DNAJC1: variants seen among roughly 807,000 people sequenced by gnomAD.
The protein encoded by DNAJC1 is dnaJ homolog subfamily C member 1.
A neutral mutation model predicts 76.6 loss-of-function variants in DNAJC1; 58 were observed. That is an observed-to-expected ratio of 0.76 (90% CI 0.61 to 0.94). The LOEUF (loss-of-function observed/expected upper bound fraction) is 0.94, where lower values mean the gene tolerates loss of function less well. Ranked by LOEUF, DNAJC1 falls within the 40% of genes least tolerant of loss-of-function variation. The pLI, the probability that DNAJC1 is intolerant of heterozygous loss-of-function variation, is 0.00. For synonymous variants in DNAJC1, 258 were observed against 267.9 expected (o/e 0.96, Z 0.36); for missense variants, 689 against 677.3 (o/e 1.02, Z -0.19).
At chr10:21,909,614 C>G (rs1279913858) in intron 6 of DNAJC1, among the ~76,000 whole-genome samples, 1 of 152,198 alleles carries the variant, frequency 6.6e-6, no homozygotes, top group Non-Finnish European at 1.5e-5. Context: ...GTGGTGCTCA[C>G]TCAACATTCT....
At chr10:21,858,685 T>C (rs1037597458) in intron 8 of DNAJC1, among the ~76,000 whole-genome samples, 3 of 152,172 alleles carry the variant, frequency 2.0e-5, no homozygotes, top group South Asian at 4.1e-4. Context: ...ATTTAATTCA[T>C]TGCAGCCCTA....
rs543146093 is a variant in DNAJC1, at chr10:21,956,335, T to G, written c.223-27194A>C. On this transcript the variant is annotated intron_variant, in intron 1 of 11. Coordinates refer to ENST00000376980, the MANE Select transcript of DNAJC1 (RefSeq NM_022365.4). Reference sequence around the variant, plus strand: ...TTTAAAAGTCTCACCTCAACACTGTTGCATTAGGGATTAAGTTTCCAACAC... The same window carrying G: ...TTTAAAAGTCTCACCTCAACACTGTGGCATTAGGGATTAAGTTTCCAACAC... Among the ~76,000 whole-genome samples, 337 of 152,258 alleles carry G rather than the reference T, an allele frequency of 2.2e-3. 3 individuals carry two copies. The highest frequency in any genetic ancestry group is 7.7e-3 in the African/African-American group (321 of 41,546).
chr10:21,832,764 T>C (rs1473556057), intron 8 of DNAJC1, among the ~76,000 whole-genome samples: 1 of 152,212 alleles, frequency 6.6e-6, no homozygotes, highest in Non-Finnish European at 1.5e-5. Context: ...ACTTTTGCAG[T>C]GAAATATTTC....
At chr10:21,844,804 G>A (rs1835628624) in intron 8 of DNAJC1, among the ~76,000 whole-genome samples, 1 of 152,182 alleles carries the variant, frequency 6.6e-6, no homozygotes, top group African/African-American at 2.4e-5. Flanking sequence ...GGAGGCCAAG[G>A]TGGGAGGATC....
intron 7 of DNAJC1, among the ~76,000 whole-genome samples, chr10:21,884,190 T>C (rs1357686561): frequency 6.6e-6 from 1 of 152,090 alleles, no homozygotes; most frequent in African/African-American, 2.4e-5. Flanking sequence ...ATTCAGAGTA[T>C]AAACAGAAGA....
intron 1 of DNAJC1, among the ~76,000 whole-genome samples, chr10:21,948,775 C>T (rs1014733595): frequency 5.3e-5 from 8 of 152,038 alleles, no homozygotes; most frequent in Admixed American, 4.6e-4. Context: ...CTACAGATAA[C>T]GGGAGACTAC....
At chr10:21,956,504 T>C (rs1837685432) in intron 1 of DNAJC1, among the ~76,000 whole-genome samples, 1 of 151,848 alleles carries the variant, frequency 6.6e-6, no homozygotes, top group Non-Finnish European at 1.5e-5. Context: ...TCAAGAGTGC[T>C]GCTTATATAT....
chr10:21,888,827 C>T (rs957952047), intron 7 of DNAJC1, among the ~76,000 whole-genome samples: 2 of 152,028 alleles, frequency 1.3e-5, no homozygotes, highest in Non-Finnish European at 2.9e-5. Context: ...CTATTGGGTA[C>T]TGGACTTAAT....
chr10:21,945,686 G>A (rs1401033539), intron 1 of DNAJC1, among the ~76,000 whole-genome samples: 2 of 152,168 alleles, frequency 1.3e-5, no homozygotes, highest in Non-Finnish European at 2.9e-5. Context: ...GCCAATAAAA[G>A]TTGAGAGAGG....
intron 8 of DNAJC1, among the ~76,000 whole-genome samples, chr10:21,816,923 G>A (rs1835087268): frequency 1.4e-5 from 2 of 146,372 alleles, no homozygotes; most frequent in Admixed American, 1.3e-4. Flanking sequence ...GGGAGGCCGA[G>A]GTGGGTGGAT....
chr10:21,848,453 T>G (rs1835695685), intron 8 of DNAJC1, among the ~76,000 whole-genome samples: 1 of 152,190 alleles, frequency 6.6e-6, no homozygotes, highest in Non-Finnish European at 1.5e-5. Flanking sequence ...TTGCAATCCT[T>G]TTTGTCTATT....
Position 21,941,827 on chromosome 10 carries a change from GGTAA to G in DNAJC1, c.223-12690_223-12687del, listed in dbSNP as rs755344889. 1.6e-3 allele frequency among the ~76,000 whole-genome samples: 244 copies of G among 152,046 alleles called. 2 individuals are homozygous for G. The highest frequency in any genetic ancestry group is 2.9e-3 in the Non-Finnish European group (196 of 67,970). Reference sequence around the variant, plus strand: ...AAAGAAGAGGAAGCAGACCAAGAAGGGTAAGTAAGTGGTAAAGTAAAAGCTGTTA... The same window carrying G: ...AAAGAAGAGGAAGCAGACCAAGAAGGGTAAGTGGTAAAGTAAAAGCTGTTA... On this transcript the variant is annotated intron_variant, in intron 1 of 11. Coordinates refer to ENST00000376980, the MANE Select transcript of DNAJC1 (RefSeq NM_022365.4).
chr10:21,863,047 G>T (rs377036935), intron 8 of DNAJC1, among the ~76,000 whole-genome samples: 3 of 151,998 alleles, frequency 2.0e-5, no homozygotes, highest in Non-Finnish European at 4.4e-5. Flanking sequence ...CAGGAGAATC[G>T]CTTGAACCCG....
chr10:21,928,752 T>A (rs901511134), intron 2 of DNAJC1, among the ~76,000 whole-genome samples, 200 bp from the exon 3 acceptor site: 5 of 152,146 alleles, frequency 3.3e-5, no homozygotes, highest in Non-Finnish European at 7.4e-5. Flanking sequence ...AAAATAAATC[T>A]TTGTGACAGT....
At chr10:21,853,829 G>C (rs1835791266) in intron 8 of DNAJC1, among the ~76,000 whole-genome samples, 1 of 150,436 alleles carries the variant, frequency 6.6e-6, no homozygotes, top group Non-Finnish European at 1.5e-5. Flanking sequence ...CTATCACTGG[G>C]GAAACTGCTT....
At chr10:21,981,346 T>A (rs1280986986) in intron 1 of DNAJC1, among the ~76,000 whole-genome samples, 1 of 152,186 alleles carries the variant, frequency 6.6e-6, no homozygotes, top group East Asian at 1.9e-4. Flanking sequence ...CACATACCAT[T>A]TGCGGTGTAC....
chr10:21,862,236 C>T (rs1174126496), intron 8 of DNAJC1, among the ~76,000 whole-genome samples: 1 of 151,268 alleles, frequency 6.6e-6, no homozygotes, highest in Non-Finnish European at 1.5e-5. Context: ...TCTTAATAAA[C>T]TTGCTTTTAC....
intron 9 of DNAJC1, among the ~76,000 whole-genome samples, chr10:21,778,345 C>A (rs1202108886): frequency 6.6e-6 from 1 of 152,120 alleles, no homozygotes; most frequent in African/African-American, 2.4e-5. Flanking sequence ...CATCTCTGCC[C>A]ATAAAACAAA....
intron 9 of DNAJC1, chr10:21,803,879 C>A (rs755557245): frequency 5.9e-4 from 571 of 974,162 alleles, no homozygotes; most frequent in Admixed American, 7.6e-4. Flanking sequence ...AAAAAAAAAC[C>A]CAAAAAACAA....
Sources: gnomAD v4.1 joint callset for allele counts (sites outside exome capture counted in the v4.1 genomes callset) on GRCh38, gnomAD v4.1.1 for gene constraint, MANE v1.5 for transcripts, NCBI Gene and HGNC (gene_info 2026-07-23, HGNC 2026-07-21) for gene names.